Variants in HDAC9 observed in about 807,000 individuals in gnomAD.
The protein encoded by HDAC9 is MEF-2 interacting transcription repressor (MITR) protein.
HDAC9 carries 41 observed loss-of-function variants against 139.4 expected under a neutral mutation model. The observed-to-expected ratio is 0.29, with a 90% confidence interval of 0.23 to 0.38. The LOEUF is 0.38. Among genes scored for constraint, HDAC9 ranks in the 10% least tolerant of loss-of-function variants. The pLI, the probability that HDAC9 is intolerant of heterozygous loss-of-function variation, is 1.00. For missense variants in HDAC9, 1,147 were observed against 1,297.0 expected (o/e 0.88, Z 1.78); for synonymous variants, 517 against 476.2 (o/e 1.09, Z -1.12).
intron 2 of HDAC9, among the ~76,000 whole-genome samples, chr7:18,255,871 C>T (rs1441774328): frequency 2.6e-5 from 4 of 151,972 alleles, no homozygotes; most frequent in Non-Finnish European, 5.9e-5. Flanking sequence ...TCGTGATCTG[C>T]CCGCCTCGGC....
intron 2 of HDAC9, among the ~76,000 whole-genome samples, chr7:18,192,867 T>C (rs1019330149): frequency 6.6e-6 from 1 of 152,232 alleles, no homozygotes; most frequent in Admixed American, 6.5e-5. Flanking sequence ...GTATTTAATA[T>C]GTATTTCTCA....
chr7:18,907,068 C>T (rs1802323967), intron 22 of HDAC9: 1 of 152,158 alleles, frequency 6.6e-6, no homozygotes. Context: ...GCTGCAAGTG[C>T]ATCCAAAAGC....
At chr7:18,192,410 T>C (rs781039318) in intron 2 of HDAC9, among the ~76,000 whole-genome samples, 4 of 152,162 alleles carry the variant, frequency 2.6e-5, no homozygotes, top group Non-Finnish European at 5.9e-5. Context: ...ATGTTTAACT[T>C]TTATTGCAAA....
intron 16 of HDAC9, among the ~76,000 whole-genome samples, chr7:18,789,067 C>G (rs1294159789): frequency 6.6e-6 from 1 of 152,134 alleles, no homozygotes; most frequent in East Asian, 1.9e-4. Flanking sequence ...GATGCTATCA[C>G]TAACACAGGA....
chr7:18,462,900 A>T lies in HDAC9; in HGVS notation c.-41-33362A>T, dbSNP rs1468097233. ...ATATGCCATTAATATGCCATAGGAT[A>T]ACATATAAATATAGTCAAATTTAAT... On this transcript the variant is annotated intron_variant, in intron 1 of 3. Coordinates refer to the HDAC9 transcript ENST00000413509. Among the ~76,000 whole-genome samples, 29 of 151,990 alleles carry T rather than the reference A, an allele frequency of 1.9e-4. 1 individual carries two copies. The highest frequency in any genetic ancestry group is 1.9e-3 in the Admixed American group (29 of 15,260).
chr7:18,221,106 C>CTTTTTTTTTTTTTTTTTTTTTTTTT (rs537033538), intron 2 of HDAC9, among the ~76,000 whole-genome samples: 3 of 139,690 alleles, frequency 2.1e-5, no homozygotes, highest in African/African-American at 5.5e-5. Flanking sequence ...ATTTCTATTC[C>CTTTTTTTTTTTTTTTTTTTTTTTTT]TTTTTTTTTT....
At chr7:18,094,282 C>T (rs1782359460) in intron 1 of HDAC9, among the ~76,000 whole-genome samples, 1 of 152,180 alleles carries the variant, frequency 6.6e-6, no homozygotes, top group African/African-American at 2.4e-5. Flanking sequence ...CTAGAGCACA[C>T]TGTAGCTCAG....
At chr7:18,857,332 TA>T (rs1797758759) in intron 21 of HDAC9, among the ~76,000 whole-genome samples, 1 of 146,846 alleles carries the variant, frequency 6.8e-6, no homozygotes, top group Admixed American at 7.0e-5. Flanking sequence ...AAATATGTTT[TA>T]GTTGTGTGTG....
intron 1 of HDAC9, among the ~76,000 whole-genome samples, chr7:18,292,690 T>C (rs574786592): frequency 5.0e-4 from 76 of 152,278 alleles, no homozygotes; most frequent in Non-Finnish European, 9.6e-4. Flanking sequence ...CTCTTGAGTT[T>C]TTGTAGAGGA....
chr7:18,331,523 G>T, intron 1 of HDAC9, among the ~76,000 whole-genome samples: 1 of 151,502 alleles, frequency 6.6e-6, no homozygotes, highest in Non-Finnish European at 1.5e-5. Flanking sequence ...AGTATCGCTT[G>T]CAGAATGTAA....
At chr7:18,304,345 T>G (rs1053764976) in intron 1 of HDAC9, among the ~76,000 whole-genome samples, 1 of 152,222 alleles carries the variant, frequency 6.6e-6, no homozygotes, top group African/African-American at 2.4e-5. Flanking sequence ...AGAGCCAGGT[T>G]TTTAAAAAGC....
chr7:18,658,465 A>C (rs1182898231), intron 11 of HDAC9, among the ~76,000 whole-genome samples: 2 of 152,198 alleles, frequency 1.3e-5, no homozygotes, highest in Non-Finnish European at 2.9e-5. Flanking sequence ...AGAGTTAAAA[A>C]GATGAAGCAG....
intron 16 of HDAC9, among the ~76,000 whole-genome samples, chr7:18,784,288 G>T (rs532896262): frequency 6.6e-6 from 1 of 151,760 alleles, no homozygotes; most frequent in African/African-American, 2.4e-5. Context: ...TTGTTACCCA[G>T]ACTGGCCTCA....
chr7:18,670,987 G>C lies in HDAC9; in HGVS notation c.1731+4511G>C, dbSNP rs73069022. Among the ~76,000 whole-genome samples, 67 of 151,458 alleles carry C rather than the reference G, an allele frequency of 4.4e-4. 1 individual carries two copies. The highest frequency in any genetic ancestry group is 6.3e-4 in the Non-Finnish European group (43 of 67,854). On this transcript the variant is annotated intron_variant, in intron 12 of 25. Transcript: ENST00000686413. Reference sequence around the variant, plus strand: ...AGCCTTCTTTTTTCTGACCATAGCCGGTCCTAGGAGGGACTGAAACAGAGT... The same window carrying C: ...AGCCTTCTTTTTTCTGACCATAGCCCGTCCTAGGAGGGACTGAAACAGAGT...
At chr7:18,288,914 C>A (rs1445219104), upstream of HDAC9, among the ~76,000 whole-genome samples, 2 of 152,172 alleles carry the variant, frequency 1.3e-5, no homozygotes, top group African/African-American at 4.8e-5. Flanking sequence ...GAGGTGCCAC[C>A]AAACCTAGAT....
Position 18,996,138 on chromosome 7 carries a change from G to C in HDAC9, c.*76G>C. On this transcript the variant is annotated 3_prime_UTR_variant, in exon 26 of 26. Coordinates refer to ENST00000686413, the MANE Select transcript of HDAC9 (RefSeq NM_178425.4). ...CCCCCACCCCAGTACCCTCAGACAT[G>C]TCTTGTCTGCTGCCTGGGTGGCACA... 9.0e-7 allele frequency: 1 copy of C among 1,107,098 alleles called. No individual in the cohort carries two copies. The highest frequency in any genetic ancestry group is 1.4e-5 in the South Asian group (1 of 73,642). 68.6% of individuals were successfully genotyped at this position (1,107,098 alleles called of 1,614,324 possible).
chr7:18,627,278 A>C (rs2188320), intron 6 of HDAC9, among the ~76,000 whole-genome samples: 57,673 of 151,948 alleles, frequency 0.38, 11,140 homozygotes, highest in African/African-American at 0.43. Context: ...ATGGACTGCC[A>C]GTTTGCAGCA....
intron 12 of HDAC9, among the ~76,000 whole-genome samples, chr7:18,727,328 C>G (rs1184973876): frequency 1.3e-5 from 2 of 152,232 alleles, no homozygotes; most frequent in East Asian, 3.9e-4. Flanking sequence ...TTCAAACTGA[C>G]AGGCCTCCTG....
At chr7:18,539,795 C>G (rs1041991191) in intron 2 of HDAC9, among the ~76,000 whole-genome samples, 1 of 151,872 alleles carries the variant, frequency 6.6e-6, no homozygotes, top group Non-Finnish European at 1.5e-5. Flanking sequence ...TGATGAGGCT[C>G]TTCTACATCT....
Sources: gnomAD v4.1 joint callset for allele counts (sites outside exome capture counted in the v4.1 genomes callset) on GRCh38, gnomAD v4.1.1 for gene constraint, MANE v1.5 for transcripts, NCBI Gene and HGNC (gene_info 2026-07-23, HGNC 2026-07-21) for gene names.